The following ARIH1 variants were observed in gnomAD, a reference collection of about 807,000 sequenced individuals.
ARIH1 encodes the protein E3 ubiquitin-protein ligase ARIH1.
Under a neutral mutation model 85.0 loss-of-function variants are expected in ARIH1, and 8 were observed. The ratio of observed to expected loss-of-function variants is 0.09; its 90% CI spans 0.06 to 0.17. The LOEUF (loss-of-function observed/expected upper bound fraction) is 0.17, where lower values mean the gene tolerates loss of function less well. Among genes scored for constraint, ARIH1 ranks in the 10% least tolerant of loss-of-function variants. ARIH1 has a pLI of 1.00. For missense variants in ARIH1, 311 were observed against 718.1 expected (o/e 0.43, Z 6.48); for synonymous variants, 238 against 253.6 (o/e 0.94, Z 0.59).
At chr15:72,547,716 G>A (rs1326807514) in intron 3 of ARIH1, among the ~76,000 whole-genome samples, 1 of 152,138 alleles carries the variant, frequency 6.6e-6, no homozygotes, top group Non-Finnish European at 1.5e-5. Context: ...CTCCTTGCCA[G>A]TTGACATTTA....
rs544682308 is a variant in ARIH1 at position 72,509,242 on chromosome 15, G to A, written c.376-8825G>A. On this transcript the variant is annotated intron_variant, in intron 1 of 13. Transcript: ENST00000379887. ...CTGACCTTAAGTGATCACCTGCCTCGGTCTCCCAAAGTGGTGGGATTACAG... is the reference window on the plus strand; with the variant it reads ...CTGACCTTAAGTGATCACCTGCCTCAGTCTCCCAAAGTGGTGGGATTACAG... Among the ~76,000 whole-genome samples the A allele has an allele frequency of 7.3e-5, 11 of 150,584 alleles. No homozygotes were observed. The East Asian group carries it at 2.2e-3, about 30-fold the overall frequency.
rs1412309400 is a variant in ARIH1 at position 72,591,738 on chromosome 15, T to C, written c.*8446T>C. On this transcript the variant is annotated 3_prime_UTR_variant, in exon 14 of 14. Transcript: ENST00000379887. Reference sequence around the variant, plus strand: ...GCAAATAGACATTCTCATGGAATGCTCTAAAATTGTTAAGTTCTTGCACTT... The same window carrying C: ...GCAAATAGACATTCTCATGGAATGCCCTAAAATTGTTAAGTTCTTGCACTT... 6.6e-6 allele frequency: 1 copy of C among 152,210 alleles called. No individual in the cohort carries two copies. The highest frequency in any genetic ancestry group is 6.5e-5 in the Admixed American group (1 of 15,280). 9.4% of individuals were successfully genotyped at this position (152,210 alleles called of 1,614,324 possible). A position where few individuals can be genotyped will look rare whatever the true frequency, so the allele number is the denominator to read the frequency against.
chr15:72,486,774 A>G (rs1239790697), intron 1 of ARIH1, among the ~76,000 whole-genome samples: 1 of 144,932 alleles, frequency 6.9e-6, no homozygotes, highest in African/African-American at 2.6e-5. Context: ...GCTCACTGCA[A>G]CCTCTACCTC....
chr15:72,483,113 T>G (rs1347959360), intron 1 of ARIH1, among the ~76,000 whole-genome samples: 1 of 152,114 alleles, frequency 6.6e-6, no homozygotes, highest in Admixed American at 6.5e-5. Context: ...CTGCCCGCCT[T>G]AGCCTCCTAA....
intron 1 of ARIH1, among the ~76,000 whole-genome samples, chr15:72,490,930 A>T (rs1043749719): frequency 1.3e-5 from 2 of 152,130 alleles, no homozygotes; most frequent in African/African-American, 4.8e-5. Flanking sequence ...AGCCTGGCCA[A>T]CATGGTGAAA....
intron 1 of ARIH1, among the ~76,000 whole-genome samples, chr15:72,492,255 A>G (rs1422482552): frequency 6.6e-6 from 1 of 152,226 alleles, no homozygotes; most frequent in African/African-American, 2.4e-5. Context: ...TTATTTATGT[A>G]TGAAGTTACA....
intron 1 of ARIH1, among the ~76,000 whole-genome samples, chr15:72,510,729 T>G (rs1233653252): frequency 1.5e-5 from 1 of 66,304 alleles, no homozygotes; most frequent in Non-Finnish European, 2.6e-5. Flanking sequence ...AGAGCAAGAC[T>G]CTGACTCAAA....
intron 1 of ARIH1, among the ~76,000 whole-genome samples, chr15:72,491,219 C>T (rs1245962402): frequency 1.3e-5 from 2 of 152,084 alleles, no homozygotes; most frequent in African/African-American, 2.4e-5. Flanking sequence ...TATGCTTATT[C>T]GTATTATAGC....
chr15:72,479,909 C>T (rs1179577226), intron 1 of ARIH1, among the ~76,000 whole-genome samples: 2 of 151,720 alleles, frequency 1.3e-5, no homozygotes, highest in Non-Finnish European at 2.9e-5. Context: ...GCTTTGTTGC[C>T]CAGGCTGGAG....
Position 72,597,657 on chromosome 15 carries a change from C to G in ARIH1, c.*14365C>G, listed in dbSNP as rs181108814. 1 of 152,042 alleles carries G rather than the reference C, an allele frequency of 6.6e-6. No homozygotes were observed. The highest frequency in any genetic ancestry group is 2.4e-5 in the African/African-American group (1 of 41,386). The allele number at this position is 152,042 out of a possible 1,614,324, so 9.4% of individuals were successfully genotyped here. A position where few individuals can be genotyped will look rare whatever the true frequency, so the allele number is the denominator to read the frequency against. ...CTTGGGAGAAGTCAAGCTCTCTCAG[C>G]GTTCCTTCTATTATCCACACCTTTA... On this transcript the variant is annotated 3_prime_UTR_variant, in exon 14 of 14. Coordinates refer to ENST00000379887, the MANE Select transcript of ARIH1 (RefSeq NM_005744.5).
chr15:72,542,282 T>C, intron 2 of ARIH1, among the ~76,000 whole-genome samples: 1 of 152,198 alleles, frequency 6.6e-6, no homozygotes, highest in East Asian at 1.9e-4. Flanking sequence ...ATAAAAATTT[T>C]AAAGTGGTAA....
rs1390936113 is a variant in ARIH1, at chr15:72,474,789, C to T, written c.150C>T (p.Pro50=). The T allele has an allele frequency of 4.6e-6, 7 of 1,507,200 alleles. No individual in the cohort carries two copies. The highest frequency in any genetic ancestry group is 1.8e-4 in the Middle Eastern group (1 of 5,652). The allele number at this position is 1,507,200 out of a possible 1,614,324, so 93.4% of individuals were successfully genotyped here. A position where few individuals can be genotyped will look rare whatever the true frequency, so the allele number is the denominator to read the frequency against. ...TGGGCGAGGTGGAGCTGGTGGAGCC[C>T]GGGCTGGGCGTCGGCGGGGAGCGGG... ...LDLGEVELVE[P]GLGVGGERDG... Residue 50 remains proline (P), a synonymous_variant, in exon 1 of 14, where the codon CCC becomes CCT. Transcript: ENST00000379887.
chr15:72,478,576 A>G (rs1218794036), intron 1 of ARIH1, among the ~76,000 whole-genome samples: 1 of 152,184 alleles, frequency 6.6e-6, no homozygotes, highest in East Asian at 1.9e-4. Flanking sequence ...GCCAGGCATT[A>G]TGTTAAGCAG....
At chr15:72,512,396 T>A (rs1448333793) in intron 1 of ARIH1, among the ~76,000 whole-genome samples, 1 of 152,202 alleles carries the variant, frequency 6.6e-6, no homozygotes, top group East Asian at 1.9e-4. Flanking sequence ...TTGGCCTGTT[T>A]TATTGAGTTG....
At chr15:72,549,076 G>GTC (rs1351194862) in intron 3 of ARIH1, among the ~76,000 whole-genome samples, 12 of 150,422 alleles carry the variant, frequency 8.0e-5, no homozygotes, top group Admixed American at 1.3e-4. Context: ...CGACTACAGC[G>GTC]TCTCTCTCTC....
At chr15:72,539,165 T>G (rs1320965082) in intron 2 of ARIH1, among the ~76,000 whole-genome samples, 1 of 152,106 alleles carries the variant, frequency 6.6e-6, no homozygotes, top group Non-Finnish European at 1.5e-5. Context: ...TTACATTGAG[T>G]CAGTTCCTTT....
chr15:72,519,298 T>C (rs961421514), intron 2 of ARIH1, among the ~76,000 whole-genome samples: 19 of 151,974 alleles, frequency 1.3e-4, no homozygotes, highest in African/African-American at 4.6e-4. Context: ...TCATACACCT[T>C]GTATCTATTA....
intron 1 of ARIH1, among the ~76,000 whole-genome samples, chr15:72,494,175 T>C (rs928534786): frequency 2.0e-5 from 3 of 152,216 alleles, no homozygotes; most frequent in African/African-American, 7.2e-5. Context: ...AATTGAGTAC[T>C]TGATTTATTT....
chr15:72,564,961 A>G (rs1283531852), intron 7 of ARIH1, among the ~76,000 whole-genome samples: 1 of 152,158 alleles, frequency 6.6e-6, no homozygotes, highest in Non-Finnish European at 1.5e-5. Context: ...GGACACAAAC[A>G]TTTATATCCT....
Sources: allele counts gnomAD v4.1 joint callset (sites outside exome capture counted in the v4.1 genomes callset), GRCh38; gene constraint gnomAD v4.1.1; transcripts MANE v1.5; gene names NCBI Gene and HGNC (gene_info 2026-07-23, HGNC 2026-07-21).